The following CLDN14 variants were observed in gnomAD, a reference collection of about 807,000 sequenced individuals.
CLDN14 encodes the protein claudin 14.
Under a neutral mutation model 2.1 loss-of-function variants are expected in CLDN14, and 2 were observed. That is an observed-to-expected ratio of 0.96 (90% confidence interval 0.39 to 3.01). The LOEUF is 3.01. Ranked by LOEUF, CLDN14 falls within the 30% of genes most tolerant of loss-of-function variation. CLDN14 has a pLI of 0.09. For missense variants in CLDN14, 298 were observed against 328.0 expected, an observed-to-expected ratio of 0.91 and a Z score of 0.71; for synonymous variants, 136 against 154.4, an observed-to-expected ratio of 0.88 and a Z score of 0.88.
intron 1 of CLDN14, among the ~76,000 whole-genome samples, chr21:36,469,603 A>T (rs1481551464): frequency 6.6e-6 from 1 of 152,232 alleles, no homozygotes; most frequent in Non-Finnish European, 1.5e-5. Flanking sequence ...CTATTTTTTT[A>T]TAACAAGAAC....
chr21:36,485,804 G>A, intron 2 of CLDN14: 1 of 380,518 alleles, frequency 2.6e-6, no homozygotes, highest in Non-Finnish European at 4.7e-6. Context: ...CATCAGATAT[G>A]AATGAAAGAT....
At chr21:36,489,131 A>AAAAAAAAAATAT in intron 2 of CLDN14, among the ~76,000 whole-genome samples, 7 of 62,738 alleles carry the variant, frequency 1.1e-4, no homozygotes, top group East Asian at 4.1e-4. Context: ...AAAAAAAAAA[A>AAAAAAAAAATAT]ATATATATAT....
At chr21:36,518,533 C>T (rs567363081) in intron 1 of CLDN14, among the ~76,000 whole-genome samples, 3 of 150,740 alleles carry the variant, frequency 2.0e-5, no homozygotes, top group Admixed American at 6.6e-5. Flanking sequence ...TGGGAGGCGG[C>T]GGTTGTAGTG....
At chr21:36,497,123 A>G (rs1194869815) in intron 2 of CLDN14, among the ~76,000 whole-genome samples, 19 of 26,036 alleles carry the variant, frequency 7.3e-4, no homozygotes, top group African/African-American at 2.1e-3. Flanking sequence ...GGGAGGGAGG[A>G]AGGGAGGAAG....
chr21:36,550,613 C>A lies in CLDN14; in HGVS notation c.-220+25798G>T, dbSNP rs2087557114. On this transcript the variant is annotated intron_variant, in intron 1 of 2. Coordinates refer to the CLDN14 transcript ENST00000342108. ...TTCTAACCTGGTCCCCACCACAGGC[C>A]TGGATCACATGCTCCCAGTCCCCTC... Among the ~76,000 whole-genome samples the A allele has an allele frequency of 2.0e-5, 3 of 152,314 alleles. No homozygotes were observed. The South Asian group carries it at 6.2e-4, about 32-fold the overall frequency.
In CLDN14 at chr21:36,466,132, G is replaced by A. The variant is rs185622353; in HGVS notation, c.-81-4356C>T. ...AGCTGGAAACGTGTCAATGTGCATC[G>A]TGACTCTCCCAGGAAATGTCTCATG... On this transcript the variant is annotated intron_variant, in intron 1 of 1. Coordinates refer to ENST00000399135, the MANE Select transcript of CLDN14 (RefSeq NM_001146079.2). Among the ~76,000 whole-genome samples the A allele has an allele frequency of 3.9e-3, 590 of 152,224 alleles. 2 individuals are homozygous for A. Among genetic ancestry groups the A allele is most frequent in the Non-Finnish European group, 6.1e-3 (416 of 68,016 alleles).
intron 1 of CLDN14, among the ~76,000 whole-genome samples, chr21:36,540,034 GGTGT>G (rs1244708093): frequency 6.7e-6 from 1 of 148,250 alleles, no homozygotes; most frequent in South Asian, 2.2e-4. Flanking sequence ...TGTATGGTGT[GGTGT>G]GTGTGTGGTA....
At chr21:36,476,893 A>G (rs900811179) in intron 1 of CLDN14, among the ~76,000 whole-genome samples, 3 of 152,376 alleles carry the variant, frequency 2.0e-5, no homozygotes, top group South Asian at 4.1e-4. Context: ...TGGGTCAGGT[A>G]TGAGATTTCA....
chr21:36,465,501 A>AAT (rs2086634383), intron 1 of CLDN14, among the ~76,000 whole-genome samples: 3 of 152,264 alleles, frequency 2.0e-5, no homozygotes, highest in African/African-American at 7.2e-5. Context: ...CCTTACCAGC[A>AAT]GCTGCTACTG....
chr21:36,529,154 C>T (rs1601625291), intron 1 of CLDN14, among the ~76,000 whole-genome samples: 1 of 152,192 alleles, frequency 6.6e-6, no homozygotes, highest in Non-Finnish European at 1.5e-5. Flanking sequence ...TCTTTTGGTA[C>T]AAAGGGTTTT....
chr21:36,464,491 C>T (rs907899496), intron 1 of CLDN14, among the ~76,000 whole-genome samples: 2 of 152,230 alleles, frequency 1.3e-5, no homozygotes, highest in African/African-American at 2.4e-5. Flanking sequence ...TCTCTTCCCT[C>T]CACTCAGCAA....
At chr21:36,509,518 A>T (rs907295033) in intron 2 of CLDN14, among the ~76,000 whole-genome samples, 9 of 152,150 alleles carry the variant, frequency 5.9e-5, no homozygotes, top group African/African-American at 2.2e-4. Context: ...CCCTGTTGAG[A>T]GGGAGTGCTG....
At chr21:36,490,654 G>T in intron 2 of CLDN14, among the ~76,000 whole-genome samples, 1 of 151,840 alleles carries the variant, frequency 6.6e-6, no homozygotes, top group East Asian at 1.9e-4. Context: ...CTCCCAAAGT[G>T]CTGGGATTAC....
intron 2 of CLDN14, chr21:36,486,193 A>AGTAGACATTG: frequency 2.0e-6 from 2 of 1,022,136 alleles, no homozygotes; most frequent in Non-Finnish European, 3.1e-6. Context: ...AGCTGGCATC[A>AGTAGACATTG]ATGTCTACTG....
upstream of CLDN14, among the ~76,000 whole-genome samples, chr21:36,483,550 C>G (rs928906810): frequency 8.5e-5 from 13 of 152,214 alleles, no homozygotes; most frequent in African/African-American, 2.9e-4. Context: ...CTCATAGGAA[C>G]CATGCGGTGA....
intron 1 of CLDN14, among the ~76,000 whole-genome samples, chr21:36,515,054 A>G (rs550712359): frequency 6.6e-6 from 1 of 152,320 alleles, no homozygotes; most frequent in Admixed American, 6.5e-5. Context: ...AAAACCCTTG[A>G]AAACAGCAAG....
chr21:36,558,945 G>A (rs1161291450), intron 1 of CLDN14, among the ~76,000 whole-genome samples: 1 of 152,088 alleles, frequency 6.6e-6, no homozygotes, highest in Non-Finnish European at 1.5e-5. Flanking sequence ...TGCCAAGGGA[G>A]TATACTTAAC....
At chr21:36,489,059 G>A (rs887149923) in intron 2 of CLDN14, among the ~76,000 whole-genome samples, 7 of 145,122 alleles carry the variant, frequency 4.8e-5, no homozygotes, top group Non-Finnish European at 3.0e-5. Flanking sequence ...GCAATAAGTC[G>A]AGATCAAGCC....
chr21:36,533,957 T>C (rs2087403523), intron 1 of CLDN14, among the ~76,000 whole-genome samples: 1 of 152,212 alleles, frequency 6.6e-6, no homozygotes, highest in African/African-American at 2.4e-5. Context: ...AGTTTACCTA[T>C]ATAACCGACC....
Sources: gnomAD v4.1 joint callset for allele counts (sites outside exome capture counted in the v4.1 genomes callset) on GRCh38, gnomAD v4.1.1 for gene constraint, MANE v1.5 for transcripts, NCBI Gene and HGNC (gene_info 2026-07-23, HGNC 2026-07-21) for gene names.